TRIM63: variants seen among roughly 807,000 people sequenced by gnomAD.
TRIM63 encodes tripartite motif containing 63.
Under a neutral mutation model 46.0 loss-of-function variants are expected in TRIM63, and 48 were observed. The observed-to-expected ratio is 1.04, with a 90% CI of 0.83 to 1.33. The LOEUF is 1.33. Among genes scored for constraint, TRIM63 ranks in the 40% most tolerant of loss-of-function variants. The pLI, the probability that TRIM63 is intolerant of heterozygous loss-of-function variation, is 0.00. For synonymous variants in TRIM63, 175 were observed against 162.8 expected (o/e 1.08, Z -0.57); for missense variants, 455 against 441.2 (o/e 1.03, Z -0.28).
At chr1:26,053,993 TG>T in intron 7 of TRIM63, 29 bp from the exon 8 acceptor site, 1 of 1,536,836 alleles carries the variant, frequency 6.5e-7, no homozygotes, top group Non-Finnish European at 8.8e-7. Flanking sequence ...TGTGTTAGGA[TG>T]GGGCCGGTTC....
At chr1:26,056,166 CT>C (rs1191535086) in intron 7 of TRIM63, among the ~76,000 whole-genome samples, 2 of 152,118 alleles carry the variant, frequency 1.3e-5, no homozygotes, top group African/African-American at 4.8e-5. Flanking sequence ...TCTCTGTTGC[CT>C]TTTAGCTGTG....
intron 7 of TRIM63, among the ~76,000 whole-genome samples, chr1:26,054,314 T>C (rs7553840): frequency 0.8 from 121,115 of 152,208 alleles, 49,802 homozygotes; most frequent in Non-Finnish European, 0.88. Context: ...AGATAAACAT[T>C]GCCTGAGGAG....
chr1:26,054,298 G>A (rs1453860489), intron 7 of TRIM63, among the ~76,000 whole-genome samples: 1 of 152,250 alleles, frequency 6.6e-6, no homozygotes, highest in Non-Finnish European at 1.5e-5. Context: ...CATCTCTCGG[G>A]TAGGCAGATA....
rs753905340 is a variant in TRIM63, at chr1:26,067,393, C to A, written c.102G>T (p.Val34=). 6.2e-7 allele frequency: 1 copy of A among 1,614,178 alleles called. No homozygotes were observed. Among genetic ancestry groups the A allele is most frequent in the Non-Finnish European group, 8.5e-7 (1 of 1,180,046 alleles). ...GGTTGTGCTGGCACGGCAAGATGAC[C>A]ACTGGCTTGGTAAACATCTCCAGGC... The part of the protein sequence containing the change: ...PICLEMFTKP[V]VILPCQHNLC... The change falls in exon 1 of 9, where the codon GTG becomes GTT. Residue 34 remains valine (V), a synonymous_variant. Coordinates refer to ENST00000374272, the MANE Select transcript of TRIM63 (RefSeq NM_032588.4).
At chr1:26,058,949 T>A (rs953497110) in intron 4 of TRIM63, among the ~76,000 whole-genome samples, 2 of 151,574 alleles carry the variant, frequency 1.3e-5, no homozygotes, top group African/African-American at 4.9e-5. Context: ...CCTCAGCTGG[T>A]CATTGGAGCA....
At chr1:26,062,911 A>T (rs561010822) in intron 2 of TRIM63, among the ~76,000 whole-genome samples, 17 of 152,160 alleles carry the variant, frequency 1.1e-4, no homozygotes, top group African/African-American at 3.9e-4. Context: ...GTGCACCACC[A>T]TGCCCAGCTA....
chr1:26,058,194 TA>T (rs889647626), intron 5 of TRIM63, among the ~76,000 whole-genome samples, 195 bp downstream of exon 5: 18 of 152,300 alleles, frequency 1.2e-4, no homozygotes, highest in African/African-American at 4.3e-4. Context: ...AACATCCTCT[TA>T]TCTTATCATC....
At chr1:26,061,658 C>G (rs1188631898) in intron 2 of TRIM63, among the ~76,000 whole-genome samples, 1 of 152,206 alleles carries the variant, frequency 6.6e-6, no homozygotes, top group Non-Finnish European at 1.5e-5. Context: ...ATTCCAGAGT[C>G]AGACCTGGAG....
At chr1:26,057,411 A>C (rs577400088) in intron 6 of TRIM63, 84 bp from the exon 7 acceptor site, 1 of 1,551,426 alleles carries the variant, frequency 6.4e-7, no homozygotes, top group Admixed American at 1.9e-5. Context: ...TGCCACGCCC[A>C]GGCCTTCTAC....
At chr1:26,066,867 C>T (rs1247105186) in intron 1 of TRIM63, among the ~76,000 whole-genome samples, 4 of 151,634 alleles carry the variant, frequency 2.6e-5, no homozygotes, top group African/African-American at 7.3e-5. Flanking sequence ...CTTCCTTTCT[C>T]GGGGAGTTGG....
rs769110592 is a variant in TRIM63, at chr1:26,053,927, C to T, written c.1017G>A (p.Gln339=). ...TCCCTTCTGTGGACTCTTCCTCTTCCTGATCTTCTTCTTCAATGAATTCTT... is the reference window on the plus strand; with the variant it reads ...TCCCTTCTGTGGACTCTTCCTCTTCTTGATCTTCTTCTTCAATGAATTCTT... The part of the protein sequence containing the change: ...EEEEFIEEED[Q]EEEESTEGKE... The change falls in exon 8 of 9, where the codon CAG becomes CAA. Residue 339 remains glutamine, a synonymous_variant. Transcript: ENST00000374272. 5 of 1,592,590 alleles carry T rather than the reference C, an allele frequency of 3.1e-6. No homozygotes were observed. The highest frequency in any genetic ancestry group is 3.3e-4 in the Middle Eastern group (2 of 6,028).
intron 4 of TRIM63, 111 bp from the exon 5 acceptor site, chr1:26,058,734 C>G (rs935314680): frequency 2.5e-6 from 2 of 796,418 alleles, no homozygotes; most frequent in Non-Finnish European, 4.2e-6. Flanking sequence ...GATCTCACTA[C>G]ATACATCCCC....
intron 7 of TRIM63, among the ~76,000 whole-genome samples, chr1:26,055,187 T>C (rs1337110225): frequency 1.3e-5 from 2 of 152,180 alleles, no homozygotes; most frequent in Non-Finnish European, 2.9e-5. Context: ...GCAAGCCAAA[T>C]GGCCCTCAGT....
Position 26,067,541 on chromosome 1 carries a change from C to A in TRIM63, c.-47G>T. ...CACGCCTAGCTGCCTCCTCTACTAA[C>A]TTTGCTCTAAGTAGACCTGGGGGTC... On this transcript the variant is annotated 5_prime_UTR_variant, in exon 1 of 9. Transcript: ENST00000374272. The A allele has an allele frequency of 6.2e-7, 1 of 1,603,754 alleles. No individual in the cohort carries two copies. The highest frequency in any genetic ancestry group is 8.5e-7 in the Non-Finnish European group (1 of 1,175,816).
Position 26,060,368 on chromosome 1 carries a change from G to C in TRIM63, c.502-7C>G. Reference sequence around the variant, plus strand: ...TACAGTTATTCAGTTCAGTCTAGATGGGGGTGTGGGGGTCAGGAGAGGAGA... The same window carrying C: ...TACAGTTATTCAGTTCAGTCTAGATCGGGGTGTGGGGGTCAGGAGAGGAGA... On this transcript the variant is annotated splice_polypyrimidine_tract_variant and splice_region_variant and intron_variant, in intron 3 of 8. Coordinates refer to ENST00000374272, the MANE Select transcript of TRIM63 (RefSeq NM_032588.4). 1 of 1,611,440 alleles carries C rather than the reference G, an allele frequency of 6.2e-7. No homozygotes were observed. Among genetic ancestry groups the C allele is most frequent in the South Asian group, 1.1e-5 (1 of 90,998 alleles).
chr1:26,064,775 A>G (rs1005754910), intron 2 of TRIM63, among the ~76,000 whole-genome samples: 2 of 152,218 alleles, frequency 1.3e-5, no homozygotes, highest in African/African-American at 4.8e-5. Context: ...CCAGCATGGT[A>G]CAGTACATTA....
chr1:26,056,929 AT>A, intron 7 of TRIM63, among the ~76,000 whole-genome samples: 1 of 151,936 alleles, frequency 6.6e-6, no homozygotes, highest in African/African-American at 2.4e-5. Flanking sequence ...CGCCTGGCTA[AT>A]TTTTGTATTT....
intron 2 of TRIM63, among the ~76,000 whole-genome samples, chr1:26,064,267 C>T (rs556450375): frequency 5.9e-5 from 9 of 152,156 alleles, no homozygotes; most frequent in African/African-American, 1.7e-4. Context: ...CCTGTCTCTA[C>T]TAAAAATATA....
intron 6 of TRIM63, 117 bp downstream of exon 6, chr1:26,057,511 G>T: frequency 3.4e-5 from 48 of 1,419,570 alleles, no homozygotes; most frequent in Non-Finnish European, 4.4e-5. Flanking sequence ...AAGGGTCAGG[G>T]AAGCCAGCCT....
Sources: gnomAD v4.1 joint callset for allele counts (sites outside exome capture counted in the v4.1 genomes callset) on GRCh38, gnomAD v4.1.1 for gene constraint, MANE v1.5 for transcripts, NCBI Gene and HGNC (gene_info 2026-07-23, HGNC 2026-07-21) for gene names.